Variants in JAG1 observed in about 807,000 individuals in gnomAD.
JAG1 encodes jagged canonical Notch ligand 1.
A neutral mutation model predicts 148.7 loss-of-function variants in JAG1; 23 were observed. The ratio of observed to expected loss-of-function variants is 0.15; its 90% CI spans 0.11 to 0.22. The LOEUF (loss-of-function observed/expected upper bound fraction) is 0.22, where lower values mean the gene tolerates loss of function less well. JAG1 is among the 10% of genes least tolerant of loss of function. The probability of loss-of-function intolerance (pLI) is 1.00; values close to 1 mark genes in which losing one functional copy is unlikely to be tolerated. For synonymous variants in JAG1, 572 were observed against 598.3 expected (o/e 0.96, Z 0.64); for missense variants, 1,054 against 1,611.2 (o/e 0.65, Z 5.92).
At chr20:10,642,463 G>A in intron 21 of JAG1, 25 bp downstream of exon 21, 1 of 1,383,268 alleles carries the variant, frequency 7.2e-7, no homozygotes, top group Non-Finnish European at 1.0e-6. Context: ...AAGACCCATG[G>A]GCAGCTGAAG....
Position 10,646,949 on chromosome 20 carries a change from G to A in JAG1, c.1875C>T (p.Tyr625=), listed in dbSNP as rs533849006. 3.7e-6 allele frequency: 6 copies of A among 1,614,058 alleles called. No homozygotes were observed. The highest frequency in any genetic ancestry group is 5.1e-6 in the Non-Finnish European group (6 of 1,180,002). The part of the protein sequence containing the change: ...CDCNKGFTGT[Y]CHENINDCES... The stretch of plus-strand genomic sequence containing the variant: ...ATGAGGGAGTCTTACTTTCATGGCA[G>A]TATGTTCCCGTGAAGCCTTTGTTAC... The change falls in exon 14 of 26, where the codon TAC becomes TAT. Residue 625 remains tyrosine, a synonymous_variant. Transcript: ENST00000254958.
At position 10,648,740 on chromosome 20, in the gene JAG1, G is replaced by A. The variant is rs774753741; in HGVS notation, c.1396-18C>T. 6.2e-7 allele frequency: 1 copy of A among 1,611,652 alleles called. No individual in the cohort carries two copies. Among genetic ancestry groups the A allele is most frequent in the South Asian group, 1.1e-5 (1 of 91,022 alleles). On this transcript the variant is annotated intron_variant, in intron 11 of 25. Coordinates refer to ENST00000254958, the MANE Select transcript of JAG1 (RefSeq NM_000214.3). ...ACCAAATCCTAGAAGAGGAGAAGGG[G>A]AGAGAGAGACACATGCTTTTTTTCT...
At position 10,639,290 on chromosome 20, in the gene JAG1, A is replaced by C; in HGVS notation, c.*208T>G. On this transcript the variant is annotated 3_prime_UTR_variant, in exon 26 of 26. Transcript: ENST00000254958. ...GGGACACACAACCAGGGTACTGTTG[A>C]CTAGCTTTTTGCATAGCTGTGAGAT... The C allele has an allele frequency of 1.6e-6, 1 of 642,182 alleles. No homozygotes were observed. Among genetic ancestry groups the C allele is most frequent in the Non-Finnish European group, 2.8e-6 (1 of 351,238 alleles). The allele number at this position is 642,182 out of a possible 1,614,324, so 39.8% of individuals were successfully genotyped here. A position where few individuals can be genotyped will look rare whatever the true frequency, so the allele number is the denominator to read the frequency against.
chr20:10,672,270 G>C (rs2122643816), intron 2 of JAG1, among the ~76,000 whole-genome samples: 1 of 152,276 alleles, frequency 6.6e-6, no homozygotes. Flanking sequence ...GGAAAGGGGA[G>C]GTTGCCAATT....
rs188231638 is a variant in JAG1 at position 10,651,864 on chromosome 20, T to C, written c.1007-170A>G. ...TGTCTAGGAAAGAAAGGAAGTCATC[T>C]TTCTCGCTGAGCTGTCTCTAACCAC... On this transcript the variant is annotated intron_variant, in intron 7 of 25. Coordinates refer to ENST00000254958, the MANE Select transcript of JAG1 (RefSeq NM_000214.3). Among the ~76,000 whole-genome samples the C allele has an allele frequency of 2.0e-5, 3 of 152,324 alleles. No individual in the cohort carries two copies. The East Asian group carries it at 5.8e-4, about 29-fold the overall frequency.
chr20:10,657,488 T>C (rs2067386455), intron 4 of JAG1, among the ~76,000 whole-genome samples: 1 of 152,162 alleles, frequency 6.6e-6, no homozygotes, highest in African/African-American at 2.4e-5. Context: ...AACTCTTCTC[T>C]CCAATTATTT....
rs374758954 is a variant in JAG1, at chr20:10,640,813, C to G, written c.3169G>C (p.Val1057Leu). Residue 1057 changes from valine (V) to leucine (L), a missense_variant, in exon 25 of 26, where the codon GTT (valine) becomes CTT (leucine). This residue lies in a region of JAG1 where 342 missense variants were observed against 514.6 expected (regional missense o/e 0.66). Coordinates refer to ENST00000254958, the MANE Select transcript of JAG1 (RefSeq NM_000214.3). ...CTGTTCTTCAGAGGCCGCCTCTGAA[C>G]TCTTACTTCTGCAACGGCAGCAATC... ...SLIAAVAEVRVQRRPLKNRTD... is the reference protein window; with the variant it reads ...SLIAAVAEVRLQRRPLKNRTD... 2 of 1,614,090 alleles carry G rather than the reference C, an allele frequency of 1.2e-6. No homozygotes were observed. The highest frequency in any genetic ancestry group is 2.7e-5 in the African/African-American group (2 of 74,910).
At position 10,643,807 on chromosome 20, in the gene JAG1, G is replaced by A. The variant is rs769531968; in HGVS notation, c.2429C>T (p.Pro810Leu). The change falls in exon 20 of 26, where the codon CCG becomes CTG. Residue 810 changes from proline to leucine, a missense_variant. Coordinates refer to ENST00000254958, the MANE Select transcript of JAG1 (RefSeq NM_000214.3). ...GDNWYRCECA[P>L]GFAGPDCRIN... ...TCTGCAGTCGGGCCCAGCAAAACCC[G>A]GGGCACATTCGCACCGGTACCAGTT... 2.2e-5 allele frequency: 36 copies of A among 1,613,972 alleles called. No homozygotes were observed. The highest frequency in any genetic ancestry group is 5.0e-5 in the Admixed American group (3 of 60,000).
At chr20:10,665,999 C>T (rs973363652) in intron 2 of JAG1, among the ~76,000 whole-genome samples, 1 of 152,166 alleles carries the variant, frequency 6.6e-6, no homozygotes, top group Non-Finnish European at 1.5e-5. Context: ...CACAGCCCTA[C>T]GTGCCTGGCT....
Position 10,644,961 on chromosome 20 carries a change from A to C in JAG1, c.2246T>G (p.Leu749Arg), listed in dbSNP as rs766955165. The change falls in exon 18 of 26, where the codon CTG becomes CGG. Residue 749 changes from leucine to arginine, a missense_variant. By Grantham distance (102) the Leu-to-Arg change is moderately radical. This residue lies in a region of JAG1 where 342 missense variants were observed against 514.6 expected (regional missense o/e 0.66). Coordinates refer to ENST00000254958, the MANE Select transcript of JAG1 (RefSeq NM_000214.3). ...TCNIARNSSC[L>R]PNPCHNGGTC... ...GCCCCCATTATGGCAGGGGTTGGGC[A>C]GGCAGCTACTGTTTCGGGCTATAAA... 7 of 1,612,986 alleles carry C rather than the reference A, an allele frequency of 4.3e-6. No individual in the cohort carries two copies. The highest frequency in any genetic ancestry group is 4.2e-6 in the Non-Finnish European group (5 of 1,179,604).
chr20:10,652,058 C>T (rs2067350380), intron 7 of JAG1, 73 bp downstream of exon 7: 1 of 1,537,812 alleles, frequency 6.5e-7, no homozygotes, highest in South Asian at 1.1e-5. Context: ...TAAACAAGTC[C>T]TTAAGTATAT....
At chr20:10,655,954 G>T (rs1485687844) in intron 5 of JAG1, among the ~76,000 whole-genome samples, 4 of 152,204 alleles carry the variant, frequency 2.6e-5, no homozygotes, top group South Asian at 4.2e-4. Context: ...CCTGCAAAGG[G>T]GCCAGGAGAT....
chr20:10,639,844 T>A lies in JAG1; in HGVS notation c.3311A>T (p.His1104Leu), dbSNP rs1788979891. The A allele has an allele frequency of 1.2e-6, 2 of 1,614,010 alleles. No individual in the cohort carries two copies. The highest frequency in any genetic ancestry group is 1.3e-5 in the African/African-American group (1 of 74,914). The change falls in exon 26 of 26, where the codon CAC becomes CTC. Residue 1104 changes from histidine (H) to leucine (L), a missense_variant. Physicochemically the swap from His to Leu is moderately conservative, Grantham distance 99. This residue lies in a region of JAG1 where 177 missense variants were observed against 177.3 expected (regional missense o/e 1.00). Transcript: ENST00000254958. ...GGTGGTGTTGTCCTCAGAGGCTGAGTGTGTGTGGCTGCCCGGCTTCCGCCG... is the reference window on the plus strand; with the variant it reads ...GGTGGTGTTGTCCTCAGAGGCTGAGAGTGTGTGGCTGCCCGGCTTCCGCCG... ...RKRRKPGSHT[H>L]SASEDNTTNN...
intron 19 of JAG1, among the ~76,000 whole-genome samples, chr20:10,644,141 C>G (rs755282626): frequency 1.3e-5 from 2 of 152,130 alleles, no homozygotes; most frequent in African/African-American, 4.8e-5. Flanking sequence ...GAGGACACAA[C>G]CTGGCTAATT....
intron 8 of JAG1, chr20:10,650,618 A>G: frequency 4.0e-6 from 2 of 495,482 alleles, no homozygotes; most frequent in South Asian, 2.1e-5. Context: ...CTGACGGAGC[A>G]TCCGCCCAGG....
Position 10,645,954 on chromosome 20 carries a change from A to T in JAG1, c.1999+17T>A. The T allele has an allele frequency of 6.5e-7, 1 of 1,539,322 alleles. No homozygotes were observed. The highest frequency in any genetic ancestry group is 9.0e-7 in the Non-Finnish European group (1 of 1,111,940). Reference sequence around the variant, plus strand: ...GACCCATACATCCCAGAGCTCCCCAAAGAGTGGCAGACTCACTGGTTTCAC... The same window carrying T: ...GACCCATACATCCCAGAGCTCCCCATAGAGTGGCAGACTCACTGGTTTCAC... On this transcript the variant is annotated intron_variant, in intron 15 of 25. Coordinates refer to ENST00000254958, the MANE Select transcript of JAG1 (RefSeq NM_000214.3). This position sits in a 1 kb window ranked among gnomAD's most constrained non-coding sequence, Gnocchi z 6.1.
At chr20:10,664,769 T>A (rs959057333) in intron 2 of JAG1, among the ~76,000 whole-genome samples, 8 of 152,318 alleles carry the variant, frequency 5.3e-5, no homozygotes, top group South Asian at 2.1e-4. Flanking sequence ...ATTCCAAGAA[T>A]AATCAGAGTC....
rs1009426924 is a variant in JAG1 at position 10,646,968 on chromosome 20, T to C, written c.1856A>G (p.Lys619Arg). 3 of 1,614,214 alleles carry C rather than the reference T, an allele frequency of 1.9e-6. No homozygotes were observed. Among genetic ancestry groups the C allele is most frequent in the Non-Finnish European group, 2.5e-6 (3 of 1,180,030 alleles). Residue 619 changes from lysine (K) to arginine (R), a missense_variant, in exon 14 of 26, where the codon AAA becomes AGA. Transcript: ENST00000254958. ...SGGKFTCDCN[K>R]GFTGTYCHEN... ...ATGGCAGTATGTTCCCGTGAAGCCTTTGTTACAGTCACAGGTGAATTTGCC... is the reference window on the plus strand; with the variant it reads ...ATGGCAGTATGTTCCCGTGAAGCCTCTGTTACAGTCACAGGTGAATTTGCC...
At chr20:10,668,859 A>G (rs1310298096) in intron 2 of JAG1, among the ~76,000 whole-genome samples, 1 of 152,068 alleles carries the variant, frequency 6.6e-6, no homozygotes, top group African/African-American at 2.4e-5. Context: ...CTCCCCCAAG[A>G]GCCTCCACGC....
Sources: allele counts gnomAD v4.1 joint callset (sites outside exome capture counted in the v4.1 genomes callset), GRCh38; gene constraint gnomAD v4.1.1; regional missense constraint gnomAD v4.1.1; non-coding constraint Gnocchi (gnomAD v3.1); transcripts MANE v1.5; gene names NCBI Gene and HGNC (gene_info 2026-07-23, HGNC 2026-07-21).